TPRG1: variants seen among roughly 807,000 people sequenced by gnomAD.
TPRG1 encodes the protein tumor protein p63-regulated gene 1 protein.
In TPRG1, 29 loss-of-function variants were observed where a neutral mutation model predicts 29.3. That is an observed-to-expected ratio of 0.99 (90% CI 0.74 to 1.35). TPRG1 has a LOEUF of 1.35. Ranked by LOEUF, TPRG1 falls within the 40% of genes most tolerant of loss-of-function variation. The probability of loss-of-function intolerance (pLI) is 0.00; values close to 1 mark genes in which losing one functional copy is unlikely to be tolerated. For missense variants in TPRG1, 327 were observed against 335.0 expected, an observed-to-expected ratio of 0.98 and a Z score of 0.19; for synonymous variants, 130 against 116.8, an observed-to-expected ratio of 1.11 and a Z score of -0.73.
intron 5 of TPRG1, among the ~76,000 whole-genome samples, chr3:189,154,275 A>T (rs919217975): frequency 8.5e-5 from 13 of 152,236 alleles, no homozygotes; most frequent in Non-Finnish European, 1.9e-4. Context: ...TTTTACGATT[A>T]TAAAAACTGA....
At chr3:189,179,946 G>A (rs1318042794) in intron 1 of TPRG1, among the ~76,000 whole-genome samples, 1 of 152,186 alleles carries the variant, frequency 6.6e-6, no homozygotes, top group Non-Finnish European at 1.5e-5. Flanking sequence ...ATTTATGAAA[G>A]AAAGAGGTTT....
intron 4 of TPRG1, among the ~76,000 whole-genome samples, chr3:189,263,716 T>C (rs1430452890): frequency 6.6e-6 from 1 of 152,202 alleles, no homozygotes; most frequent in African/African-American, 2.4e-5. Context: ...ATAAATCACC[T>C]GGGGTTTCTT....
chr3:189,108,060 G>A (rs188167513), intron 1 of TPRG1, among the ~76,000 whole-genome samples: 6 of 152,198 alleles, frequency 3.9e-5, no homozygotes, highest in East Asian at 1.9e-4. Context: ...TGGGGAGGTC[G>A]CCACTTCACT....
chr3:189,204,037 C>CAAAAAAA (rs35367828), intron 1 of TPRG1, among the ~76,000 whole-genome samples: 1 of 87,914 alleles, frequency 1.1e-5, no homozygotes. Flanking sequence ...GAGACTGTCT[C>CAAAAAAA]AAAAAAAAAA....
At chr3:189,293,927 T>C (rs1435028678) in intron 4 of TPRG1, among the ~76,000 whole-genome samples, 1 of 152,246 alleles carries the variant, frequency 6.6e-6, no homozygotes, top group Non-Finnish European at 1.5e-5. Flanking sequence ...CAGTCTGCAA[T>C]TGTTTGCAAG....
At chr3:189,087,624 G>C (rs1044599660) in intron 4 of TPRG1, among the ~76,000 whole-genome samples, 1 of 152,174 alleles carries the variant, frequency 6.6e-6, no homozygotes, top group African/African-American at 2.4e-5. Flanking sequence ...TTCTTCTGCG[G>C]TTTTTATGGT....
At chr3:189,276,255 G>A (rs1353912841) in intron 4 of TPRG1, among the ~76,000 whole-genome samples, 1 of 152,136 alleles carries the variant, frequency 6.6e-6, no homozygotes, top group Non-Finnish European at 1.5e-5. Context: ...CCCCATGGAT[G>A]TGGCACAACA....
chr3:189,237,048 G>A (rs139158095), intron 3 of TPRG1, among the ~76,000 whole-genome samples: 7 of 152,246 alleles, frequency 4.6e-5, no homozygotes, highest in Admixed American at 3.3e-4. Context: ...TTTCACAGAC[G>A]TGGAACCTGG....
At chr3:189,042,609 T>C (rs1331876164) in intron 4 of TPRG1, among the ~76,000 whole-genome samples, 1 of 147,610 alleles carries the variant, frequency 6.8e-6, no homozygotes, top group Non-Finnish European at 1.5e-5. Flanking sequence ...GGGGTCAGAG[T>C]TGGCTCACCA....
At chr3:189,117,670 A>C (rs1241888121) in intron 1 of TPRG1, among the ~76,000 whole-genome samples, 3 of 152,300 alleles carry the variant, frequency 2.0e-5, no homozygotes, top group South Asian at 4.1e-4. Context: ...TGTGATAATG[A>C]GTGAGTCTCA....
At chr3:189,172,332 A>G (rs1560511531) in intron 1 of TPRG1, among the ~76,000 whole-genome samples, 1 of 152,048 alleles carries the variant, frequency 6.6e-6, no homozygotes, top group East Asian at 1.9e-4. Flanking sequence ...GTAGGCTAGC[A>G]TTTTTTAGCC....
intron 1 of TPRG1, among the ~76,000 whole-genome samples, chr3:189,186,591 G>A (rs1730951278): frequency 6.6e-6 from 1 of 152,006 alleles, no homozygotes; most frequent in African/African-American, 2.4e-5. Context: ...GGCTCTTTTA[G>A]TCTTATTGAT....
At chr3:189,128,054 C>T (rs561449264) in intron 2 of TPRG1, among the ~76,000 whole-genome samples, 19 of 152,178 alleles carry the variant, frequency 1.2e-4, no homozygotes, top group Non-Finnish European at 2.4e-4. Flanking sequence ...CTTAAAAAAT[C>T]TGCACAGTAT....
At chr3:189,319,246 T>C (rs1577060251) in intron 5 of TPRG1, among the ~76,000 whole-genome samples, 1 of 152,298 alleles carries the variant, frequency 6.6e-6, no homozygotes, top group South Asian at 2.1e-4. Context: ...GGACTTTTTA[T>C]CTGTATATTT....
At chr3:189,285,227 C>G (rs1425877359) in intron 4 of TPRG1, among the ~76,000 whole-genome samples, 1 of 152,194 alleles carries the variant, frequency 6.6e-6, no homozygotes, top group Admixed American at 6.5e-5. Flanking sequence ...CATTATTCTT[C>G]TACAATACTA....
At chr3:189,079,819 G>A (rs1717465418) in intron 4 of TPRG1, among the ~76,000 whole-genome samples, 1 of 152,156 alleles carries the variant, frequency 6.6e-6, no homozygotes, top group Non-Finnish European at 1.5e-5. Context: ...GAGGCCAAAA[G>A]GTTTAAATAT....
intron 3 of TPRG1, among the ~76,000 whole-genome samples, chr3:189,233,686 T>C (rs1739024874): frequency 6.6e-6 from 1 of 152,140 alleles, no homozygotes; most frequent in Admixed American, 6.5e-5. Context: ...CCTTACTCTC[T>C]CTTTGACTCT....
chr3:189,165,146 T>A (rs7618807), intron 5 of TPRG1, among the ~76,000 whole-genome samples: 92,988 of 151,816 alleles, frequency 0.61, 30,746 homozygotes, highest in African/African-American at 0.88. Context: ...AATGAAACTT[T>A]GAGTTTACCT....
intron 1 of TPRG1, among the ~76,000 whole-genome samples, chr3:189,109,710 C>G (rs1003150487): frequency 6.6e-6 from 1 of 152,126 alleles, no homozygotes; most frequent in Non-Finnish European, 1.5e-5. Context: ...GTAAAATTTA[C>G]AGACATTCCC....
Sources: allele counts gnomAD v4.1 joint callset (sites outside exome capture counted in the v4.1 genomes callset), GRCh38; gene constraint gnomAD v4.1.1; transcripts MANE v1.5; gene names NCBI Gene and HGNC (gene_info 2026-07-23, HGNC 2026-07-21).